HDAC9: variants seen among roughly 807,000 people sequenced by gnomAD.
The protein encoded by HDAC9 is MEF-2 interacting transcription repressor (MITR) protein.
HDAC9 carries 41 observed loss-of-function variants against 139.4 expected under a neutral mutation model. That is an observed-to-expected ratio of 0.29 (90% CI 0.23 to 0.38). The LOEUF (loss-of-function observed/expected upper bound fraction) is 0.38. Among genes scored for constraint, HDAC9 ranks in the 10% least tolerant of loss-of-function variants. The pLI, the probability that HDAC9 is intolerant of heterozygous loss-of-function variation, is 1.00. For missense variants in HDAC9, 1,147 were observed against 1,297.0 expected (o/e 0.88, Z 1.78); for synonymous variants, 517 against 476.2 (o/e 1.09, Z -1.12).
Position 18,317,094 on chromosome 7 carries a change from AAAATAAATAAATAAATAAATAAAT to A in HDAC9, c.-42+26612_-42+26635del, listed in dbSNP as rs71014322. ...GGGCGACAGAGTCAGACTCTGTCTC[AAAATAAATAAATAAATAAATAAAT>A]AAATAAATAAATAAATAAATAAATA... On this transcript the variant is annotated intron_variant, in intron 1 of 3. Coordinates refer to the HDAC9 transcript ENST00000413509. Among the ~76,000 whole-genome samples the A allele has an allele frequency of 3.8e-3, 482 of 127,616 alleles. 3 individuals carry two copies. The highest frequency in any genetic ancestry group is 0.012 in the East Asian group (49 of 4,254). 83.7% of individuals were successfully genotyped at this position (127,616 alleles called of 152,430 possible).
intron 22 of HDAC9, among the ~76,000 whole-genome samples, chr7:18,917,329 A>T (rs1051600558): frequency 2.6e-5 from 4 of 151,076 alleles, no homozygotes; most frequent in Non-Finnish European, 4.4e-5. Context: ...AAAAACTGGG[A>T]TTTTTTTTTC....
chr7:18,954,494 T>C (rs1433966582), intron 24 of HDAC9, among the ~76,000 whole-genome samples: 1 of 152,110 alleles, frequency 6.6e-6, no homozygotes, highest in Non-Finnish European at 1.5e-5. Context: ...ACTAAGCATT[T>C]ACCCAGAACC....
chr7:18,187,753 C>T (rs1354415785), intron 2 of HDAC9, among the ~76,000 whole-genome samples: 2 of 152,168 alleles, frequency 1.3e-5, no homozygotes, highest in Non-Finnish European at 2.9e-5. Context: ...TATGTAATTT[C>T]TCGAAAATCT....
chr7:18,509,159 T>C, intron 2 of HDAC9: 1 of 454,802 alleles, frequency 2.2e-6, no homozygotes. Flanking sequence ...TTTGAGGGAC[T>C]GACACATTAT....
At chr7:18,435,591 T>C (rs1392748509) in intron 1 of HDAC9, among the ~76,000 whole-genome samples, 2 of 152,008 alleles carry the variant, frequency 1.3e-5, no homozygotes, top group Admixed American at 6.6e-5. Flanking sequence ...CCATTGACTT[T>C]TTGTTTTTTA....
At chr7:18,891,625 G>A (rs1289982270) in intron 22 of HDAC9, among the ~76,000 whole-genome samples, 1 of 152,192 alleles carries the variant, frequency 6.6e-6, no homozygotes, top group African/African-American at 2.4e-5. Context: ...TTTCCAGGGT[G>A]CTTGGGGCCC....
intron 2 of HDAC9, among the ~76,000 whole-genome samples, chr7:18,236,707 C>T (rs577487041): frequency 1.3e-5 from 2 of 152,046 alleles, no homozygotes; most frequent in South Asian, 4.1e-4. Flanking sequence ...GGAGGTAGTT[C>T]ATACACTTGG....
intron 1 of HDAC9, among the ~76,000 whole-genome samples, chr7:18,293,005 T>C (rs79997543): frequency 4.5e-4 from 68 of 151,988 alleles, no homozygotes; most frequent in Non-Finnish European, 4.9e-4. Context: ...TTTTTTTTTT[T>C]CTTCACTCAA....
At chr7:18,427,822 A>G (rs1585823383) in intron 1 of HDAC9, among the ~76,000 whole-genome samples, 1 of 151,864 alleles carries the variant, frequency 6.6e-6, no homozygotes, top group East Asian at 1.9e-4. Flanking sequence ...ATAATGTTGT[A>G]CAGCAGCTCT....
Position 18,996,341 on chromosome 7 carries a change from C to T in HDAC9, c.*279C>T, listed in dbSNP as rs1034468008. The T allele has an allele frequency of 2.9e-6, 1 of 347,554 alleles. No homozygotes were observed. Among genetic ancestry groups the T allele is most frequent in the African/African-American group, 2.1e-5 (1 of 47,642 alleles). 21.5% of individuals were successfully genotyped at this position (347,554 alleles called of 1,614,324 possible). A position where few individuals can be genotyped will look rare whatever the true frequency, so the allele number is the denominator to read the frequency against. On this transcript the variant is annotated 3_prime_UTR_variant, in exon 26 of 26. Transcript: ENST00000686413. ...GCATGCTTTTAATATGCTGGGTGAC[C>T]CACTCCTAGACACCAAGTTTGAACT...
chr7:18,881,648 C>G (rs1183976822), intron 22 of HDAC9, among the ~76,000 whole-genome samples: 3 of 152,060 alleles, frequency 2.0e-5, no homozygotes, highest in African/African-American at 7.2e-5. Flanking sequence ...AGAACCTAAT[C>G]ATATTTACTT....
intron 1 of HDAC9, among the ~76,000 whole-genome samples, chr7:18,303,257 G>T (rs977927765): frequency 6.6e-6 from 1 of 151,760 alleles, no homozygotes; most frequent in Non-Finnish European, 1.5e-5. Context: ...TTGCTCTGTC[G>T]CCCAGGCAGG....
chr7:18,900,382 A>C (rs571590942), intron 22 of HDAC9, among the ~76,000 whole-genome samples: 3 of 152,152 alleles, frequency 2.0e-5, no homozygotes, highest in African/African-American at 7.2e-5. Flanking sequence ...TAGCCCACTG[A>C]AGAACAGATG....
chr7:18,435,907 A>C lies in HDAC9; in HGVS notation c.-41-60355A>C, dbSNP rs991446910. Among the ~76,000 whole-genome samples the C allele has an allele frequency of 5.4e-5, 8 of 148,334 alleles. No homozygotes were observed. In the South Asian group the frequency reaches 1.1e-3, roughly 20 times the overall value. On this transcript the variant is annotated intron_variant, in intron 1 of 3. Transcript: ENST00000413509. Reference sequence around the variant, plus strand: ...TATATGTGTATATATATAATAAAATATATAATATATAAAGAGAGAGAGAAA... The same window carrying C: ...TATATGTGTATATATATAATAAAATCTATAATATATAAAGAGAGAGAGAAA...
intron 22 of HDAC9, among the ~76,000 whole-genome samples, chr7:18,915,878 A>G (rs953504584): frequency 6.6e-6 from 1 of 151,732 alleles, no homozygotes; most frequent in African/African-American, 2.4e-5. Context: ...TCATTTACCA[A>G]TTATGGGACT....
At chr7:18,884,008 A>G (rs895156190) in intron 22 of HDAC9, among the ~76,000 whole-genome samples, 1 of 152,208 alleles carries the variant, frequency 6.6e-6, no homozygotes, top group African/African-American at 2.4e-5. Flanking sequence ...AAAGATCTCC[A>G]AACTGAAAAC....
At chr7:18,872,307 G>A (rs1206095998) in intron 21 of HDAC9, among the ~76,000 whole-genome samples, 1 of 152,140 alleles carries the variant, frequency 6.6e-6, no homozygotes, top group Non-Finnish European at 1.5e-5. Context: ...AAAAGACATT[G>A]TGTTTGTGAA....
intron 2 of HDAC9, among the ~76,000 whole-genome samples, chr7:18,214,647 TATATA>T (rs1792173300): frequency 6.6e-6 from 1 of 152,074 alleles, no homozygotes; most frequent in Non-Finnish European, 1.5e-5. Context: ...AGGAAACTTA[TATATA>T]ATATATGATA....
intron 2 of HDAC9, among the ~76,000 whole-genome samples, chr7:18,520,406 T>G (rs368998121): frequency 1.3e-5 from 2 of 152,170 alleles, no homozygotes; most frequent in East Asian, 3.8e-4. Flanking sequence ...AATATTACTT[T>G]GCAACACAGA....
Sources: gnomAD v4.1 joint callset for allele counts (sites outside exome capture counted in the v4.1 genomes callset) on GRCh38, gnomAD v4.1.1 for gene constraint, MANE v1.5 for transcripts, NCBI Gene and HGNC (gene_info 2026-07-23, HGNC 2026-07-21) for gene names.